The following VPS50 variants were observed in gnomAD, a reference collection of about 807,000 sequenced individuals.
VPS50 encodes VPS50 subunit of EARP/GARPII complex.
VPS50 carries 70 observed loss-of-function variants against 139.7 expected under a neutral mutation model. That is an observed-to-expected ratio of 0.50 (90% CI 0.41 to 0.61). The LOEUF (loss-of-function observed/expected upper bound fraction) is 0.61, where lower values mean the gene tolerates loss of function less well. Among genes scored for constraint, VPS50 ranks in the 20% least tolerant of loss-of-function variants. The pLI, the probability that VPS50 is intolerant of heterozygous loss-of-function variation, is 0.00. For missense variants in VPS50, 921 were observed against 1,133.7 expected (o/e 0.81, Z 2.69); for synonymous variants, 365 against 376.7 (o/e 0.97, Z 0.36).
intron 12 of VPS50, among the ~76,000 whole-genome samples, chr7:93,287,416 G>C (rs922476015): frequency 6.7e-6 from 1 of 149,308 alleles, no homozygotes; most frequent in Non-Finnish European, 1.5e-5. Context: ...CATAATGAAG[G>C]ACCTCTTTTT....
intron 19 of VPS50, among the ~76,000 whole-genome samples, chr7:93,309,612 G>A (rs1338960331): frequency 6.6e-6 from 1 of 151,750 alleles, no homozygotes; most frequent in Non-Finnish European, 1.5e-5. Context: ...ACAGAAAGTC[G>A]CCACTTATTT....
At chr7:93,264,445 CA>C (rs1257498275) in intron 9 of VPS50, among the ~76,000 whole-genome samples, 18 of 152,138 alleles carry the variant, frequency 1.2e-4, no homozygotes, top group Non-Finnish European at 2.4e-4. Context: ...TTTTAAAAGT[CA>C]AAACTGCTTT....
At chr7:93,287,416 G>T (rs922476015) in intron 12 of VPS50, among the ~76,000 whole-genome samples, 1 of 149,306 alleles carries the variant, frequency 6.7e-6, no homozygotes, top group Non-Finnish European at 1.5e-5. Flanking sequence ...CATAATGAAG[G>T]ACCTCTTTTT....
Position 93,341,478 on chromosome 7 carries a change from G to C in VPS50, c.2110G>C (p.Glu704Gln), listed in dbSNP as rs889679635. 2 of 1,612,730 alleles carry C rather than the reference G, an allele frequency of 1.2e-6. No individual in the cohort carries two copies. Among genetic ancestry groups the C allele is most frequent in the Non-Finnish European group, 1.7e-6 (2 of 1,179,092 alleles). The change falls in exon 23 of 28, where the codon GAG becomes CAG. Residue 704 changes from glutamate (E) to glutamine (Q), a missense_variant. Physicochemically the swap from Glu to Gln is conservative, Grantham distance 29 (BLOSUM62 2). Coordinates refer to ENST00000305866, the MANE Select transcript of VPS50 (RefSeq NM_017667.4). Reference sequence around the variant, plus strand: ...ACTCACAGCAGCAGAAGAAAGAAAGGAGAAGGTGCCAAGTCCACACCTCAG... The same window carrying C: ...ACTCACAGCAGCAGAAGAAAGAAAGCAGAAGGTGCCAAGTCCACACCTCAG... ...ATLTAAEERK[E>Q]KVPSPHLSHL...
chr7:93,322,217 A>G (rs1411738212), intron 20 of VPS50, among the ~76,000 whole-genome samples: 1 of 152,186 alleles, frequency 6.6e-6, no homozygotes, highest in Non-Finnish European at 1.5e-5. Context: ...TGAGTTCTTA[A>G]ATGGTTTTGA....
chr7:93,313,548 A>G (rs932513041), intron 20 of VPS50, among the ~76,000 whole-genome samples: 1 of 152,214 alleles, frequency 6.6e-6, no homozygotes, highest in Non-Finnish European at 1.5e-5. Context: ...CTTGGTAGGC[A>G]TAAGGGAATT....
chr7:93,310,557 C>T (rs1797238771), intron 19 of VPS50, among the ~76,000 whole-genome samples: 1 of 151,854 alleles, frequency 6.6e-6, no homozygotes, highest in African/African-American at 2.4e-5. Context: ...GGTTCATATC[C>T]CTCAGGTTTG....
At chr7:93,358,216 G>C in intron 27 of VPS50, 101 bp from the exon 28 acceptor site, 2 of 1,046,734 alleles carry the variant, frequency 1.9e-6, no homozygotes, top group Non-Finnish European at 2.9e-6. Context: ...ATAATGCTCA[G>C]TAACTATCCA....
chr7:93,272,234 C>G (rs1161405892), intron 10 of VPS50, among the ~76,000 whole-genome samples: 1 of 151,688 alleles, frequency 6.6e-6, no homozygotes, highest in African/African-American at 2.4e-5. Flanking sequence ...TTGAGAATTC[C>G]TTTTCGTTGA....
intron 1 of VPS50, 102 bp from the exon 2 acceptor site, chr7:93,239,764 T>G (rs558702709): frequency 3.1e-6 from 2 of 652,416 alleles, no homozygotes; most frequent in East Asian, 2.7e-5. Flanking sequence ...GCAGGAAAAT[T>G]TCTATTTTTA....
intron 23 of VPS50, 65 bp downstream of exon 23, chr7:93,341,640 T>C (rs1798214061): frequency 2.7e-6 from 3 of 1,122,126 alleles, no homozygotes; most frequent in African/African-American, 1.6e-5. Flanking sequence ...AGAAGCATTG[T>C]TTAATTAGAC....
chr7:93,257,972 C>CAA, intron 6 of VPS50, 187 bp from the exon 7 acceptor site: 1 of 446,506 alleles, frequency 2.2e-6, no homozygotes, highest in Non-Finnish European at 3.9e-6. Flanking sequence ...TGGCACCAAT[C>CAA]TTCTCGTGGT....
At chr7:93,311,106 T>A (rs1375320814) in intron 19 of VPS50, 60 bp from the exon 20 acceptor site, 1 of 802,720 alleles carries the variant, frequency 1.2e-6, no homozygotes, top group Admixed American at 1.8e-5. Flanking sequence ...CCTATCTGAC[T>A]AACTTATTGG....
rs201824182 is a variant in VPS50, at chr7:93,306,109, T to G, written c.1629+105T>G. On this transcript the variant is annotated intron_variant, in intron 18 of 27. Transcript: ENST00000305866. The stretch of plus-strand genomic sequence containing the variant: ...TTTACGTATCCATTTACTACCACCC[T>G]GCCTGCCTGTATACTTAATGTACCT... 3 of 762,248 alleles carry G rather than the reference T, an allele frequency of 3.9e-6. No individual in the cohort carries two copies. In the African/African-American group the frequency reaches 5.3e-5, roughly 13 times the overall value. The allele number at this position is 762,248 out of a possible 1,614,324, so 47.2% of individuals were successfully genotyped here.
chr7:93,339,078 T>C (rs754469943), intron 22 of VPS50, among the ~76,000 whole-genome samples: 10 of 152,146 alleles, frequency 6.6e-5, no homozygotes, highest in Non-Finnish European at 1.5e-4. Flanking sequence ...TTAAATAGCA[T>C]AGACAACCAA....
chr7:93,348,905 C>T, intron 24 of VPS50, 98 bp downstream of exon 24: 1 of 751,702 alleles, frequency 1.3e-6, no homozygotes, highest in East Asian at 2.6e-5. Flanking sequence ...GGAAGTCAGT[C>T]TTGAAACCCC....
At chr7:93,237,996 G>A (rs982258015) in intron 1 of VPS50, among the ~76,000 whole-genome samples, 1 of 152,110 alleles carries the variant, frequency 6.6e-6, no homozygotes, top group African/African-American at 2.4e-5. Flanking sequence ...ATTGTAAGTC[G>A]AGGAGCATGT....
At chr7:93,343,979 A>G (rs2117068029) in intron 23 of VPS50, among the ~76,000 whole-genome samples, 1 of 152,300 alleles carries the variant, frequency 6.6e-6, no homozygotes, top group African/African-American at 2.4e-5. Context: ...ACACATAACC[A>G]TATTAACTTT....
At chr7:93,328,601 G>C (rs1053315743) in intron 21 of VPS50, among the ~76,000 whole-genome samples, 2 of 152,258 alleles carry the variant, frequency 1.3e-5, no homozygotes, top group South Asian at 2.1e-4. Flanking sequence ...AGACTGTGGT[G>C]GGGGGTCCAT....
Sources: allele counts gnomAD v4.1 joint callset (sites outside exome capture counted in the v4.1 genomes callset), GRCh38; gene constraint gnomAD v4.1.1; transcripts MANE v1.5; gene names NCBI Gene and HGNC (gene_info 2026-07-23, HGNC 2026-07-21).